The following MRPS2 variants were observed in gnomAD, a reference collection of about 807,000 sequenced individuals.
The protein encoded by MRPS2 is mitochondrial ribosomal protein S2, also known as small ribosomal subunit protein uS2m.
In MRPS2, 13 loss-of-function variants were observed where a neutral mutation model predicts 18.9. The ratio of observed to expected loss-of-function variants is 0.69; its 90% CI spans 0.45 to 1.09. The LOEUF (loss-of-function observed/expected upper bound fraction) is 1.09. MRPS2 is among the 50% of genes least tolerant of loss of function. The probability of loss-of-function intolerance (pLI) is 0.00; values close to 1 mark genes in which losing one functional copy is unlikely to be tolerated. For missense variants in MRPS2, 389 were observed against 421.7 expected (o/e 0.92, Z 0.68); for synonymous variants, 186 against 178.4 (o/e 1.04, Z -0.34).
rs1564218678 is a variant in MRPS2 at position 135,500,980 on chromosome 9, C to CT, written c.44-17dup. On this transcript the variant is annotated splice_polypyrimidine_tract_variant and intron_variant, in intron 1 of 3. Transcript: ENST00000241600. ...CATTCGGGACTCGGCGCCAGGACCT[C>CT]TATCTACTTCCCCCCAGGTGCCCGG... The CT allele has an allele frequency of 1.2e-6, 2 of 1,611,432 alleles. No individual in the cohort carries two copies. Among genetic ancestry groups the CT allele is most frequent in the Non-Finnish European group, 1.7e-6 (2 of 1,179,260 alleles).
rs1831243698 is a variant in MRPS2, at chr9:135,504,434, G to A, written c.*301G>A. The A allele has an allele frequency of 4.6e-6, 2 of 430,206 alleles. No individual in the cohort carries two copies. Among genetic ancestry groups the A allele is most frequent in the Non-Finnish European group, 8.3e-6 (2 of 240,126 alleles). The allele number at this position is 430,206 out of a possible 1,614,324, so 26.6% of individuals were successfully genotyped here. ...TGCTAGAAGATGCTGCTGTCCCTGT[G>A]ATCCCAGCAGCCCTCCCTTCACCGT... On this transcript the variant is annotated 3_prime_UTR_variant, in exon 4 of 4. Transcript: ENST00000241600. The surrounding 1 kb of genome is among the most constrained non-coding windows in gnomAD (Gnocchi z 4.3).
chr9:135,504,006 C>G lies in MRPS2; in HGVS notation c.764C>G (p.Thr255Arg). 6.2e-7 allele frequency: 1 copy of G among 1,613,548 alleles called. No individual in the cohort carries two copies. Among genetic ancestry groups the G allele is most frequent in the Non-Finnish European group, 8.5e-7 (1 of 1,180,042 alleles). The change falls in exon 4 of 4, where the codon ACG becomes AGG. Residue 255 changes from threonine to arginine, a missense_variant. Thr to Arg is a moderately conservative substitution (Grantham distance 71, BLOSUM62 -1). Coordinates refer to ENST00000241600, the MANE Select transcript of MRPS2 (RefSeq NM_016034.5). The surrounding 1 kb of genome is among the most constrained non-coding windows in gnomAD (Gnocchi z 4.3). ...AVHLYCRLFQ[T>R]AITRAKEKRQ... ...CACCTCTACTGCAGGCTCTTCCAGA[C>G]GGCCATCACCCGGGCCAAGGAGAAG...
In MRPS2 at chr9:135,504,223, C is replaced by A; in HGVS notation, c.*90C>A. On this transcript the variant is annotated 3_prime_UTR_variant, in exon 4 of 4. Transcript: ENST00000241600. This position sits in a 1 kb window ranked among gnomAD's most constrained non-coding sequence, Gnocchi z 4.3. ...GCCCTGGGTCAGCGGCATCCTCAGTCGTTGTTACTTACTCAGCTGATGTCA... is the reference window on the plus strand; with the variant it reads ...GCCCTGGGTCAGCGGCATCCTCAGTAGTTGTTACTTACTCAGCTGATGTCA... 3 of 1,179,920 alleles carry A rather than the reference C, an allele frequency of 2.5e-6. No individual in the cohort carries two copies. In the South Asian group the frequency reaches 4.7e-5, roughly 19 times the overall value. 73.1% of individuals were successfully genotyped at this position (1,179,920 alleles called of 1,614,324 possible).
At chr9:135,503,398 G>A (rs1023591859) in intron 3 of MRPS2, 144 bp from the exon 4 acceptor site, 9 of 1,395,084 alleles carry the variant, frequency 6.5e-6, no homozygotes, top group African/African-American at 2.9e-5. Flanking sequence ...CACACGGGGA[G>A]CGTTGCAAAT....
In MRPS2 at chr9:135,501,945, C is replaced by G; in HGVS notation, c.271C>G (p.Leu91Val). 1 of 1,613,718 alleles carries G rather than the reference C, an allele frequency of 6.2e-7. No individual in the cohort carries two copies. Among genetic ancestry groups the G allele is most frequent in the Non-Finnish European group, 8.5e-7 (1 of 1,179,998 alleles). ...VRSLFDARVH[L>V]GHKAGCRHRF... ...AAGCCTCTTCGATGCCCGAGTCCATCTGGGACACAAAGCTGGCTGTCGGCA... is the reference window on the plus strand; with the variant it reads ...AAGCCTCTTCGATGCCCGAGTCCATGTGGGACACAAAGCTGGCTGTCGGCA... The change falls in exon 3 of 4, where the codon CTG becomes GTG. Residue 91 changes from leucine to valine, a missense_variant. Transcript: ENST00000241600.
At chr9:135,503,314 AGGGTAGGAG>A in intron 3 of MRPS2, 2 of 1,406,072 alleles carry the variant, frequency 1.4e-6, no homozygotes, top group Non-Finnish European at 1.8e-6. Flanking sequence ...GAAGAGGTAG[AGGGTAGGAG>A]GGGTTAAGCC....
rs376712816 is a variant in MRPS2 at position 135,502,304 on chromosome 9, C to T, written c.299+331C>T. 2.4e-5 allele frequency: 26 copies of T among 1,067,908 alleles called. No individual in the cohort carries two copies. The East Asian group carries it at 3.7e-4, about 15-fold the overall frequency. 66.2% of individuals were successfully genotyped at this position (1,067,908 alleles called of 1,614,324 possible). Reference sequence around the variant, plus strand: ...GGATCGGGCTGGGCCTTCTGGGCTGCGGGGAGGAGGAATGACTGGTCCTGT... The same window carrying T: ...GGATCGGGCTGGGCCTTCTGGGCTGTGGGGAGGAGGAATGACTGGTCCTGT... On this transcript the variant is annotated intron_variant, in intron 3 of 3. Transcript: ENST00000241600.
rs1204809474 is a variant in MRPS2, at chr9:135,504,238, A to C, written c.*105A>C. The C allele has an allele frequency of 2.8e-6, 3 of 1,063,300 alleles. No homozygotes were observed. The East Asian group carries it at 7.8e-5, about 28-fold the overall frequency. The allele number at this position is 1,063,300 out of a possible 1,614,324, so 65.9% of individuals were successfully genotyped here. A position where few individuals can be genotyped will look rare whatever the true frequency, so the allele number is the denominator to read the frequency against. ...CATCCTCAGTCGTTGTTACTTACTC[A>C]GCTGATGTCACAGTGCAGACATCCA... On this transcript the variant is annotated 3_prime_UTR_variant, in exon 4 of 4. Transcript: ENST00000241600. The surrounding 1 kb of genome is among the most constrained non-coding windows in gnomAD (Gnocchi z 4.3).
intron 2 of MRPS2, 130 bp downstream of exon 2, chr9:135,501,253 T>G: frequency 7.0e-7 from 1 of 1,432,508 alleles, no homozygotes; most frequent in Non-Finnish European, 9.1e-7. Flanking sequence ...CTCCTCCCAC[T>G]CCCGTGCTCG....
rs1319362441 is a variant in MRPS2 at position 135,500,978 on chromosome 9, C to T, written c.44-20C>T. The T allele has an allele frequency of 1.9e-5, 31 of 1,611,518 alleles. No individual in the cohort carries two copies. The highest frequency in any genetic ancestry group is 2.6e-5 in the Non-Finnish European group (31 of 1,179,370). Reference sequence around the variant, plus strand: ...TGCATTCGGGACTCGGCGCCAGGACCTCTATCTACTTCCCCCCAGGTGCCC... The same window carrying T: ...TGCATTCGGGACTCGGCGCCAGGACTTCTATCTACTTCCCCCCAGGTGCCC... On this transcript the variant is annotated intron_variant, in intron 1 of 3. Transcript: ENST00000241600.
At chr9:135,499,988 T>G, upstream of MRPS2, 1 of 1,020,960 alleles carries the variant, frequency 9.8e-7, no homozygotes, top group Non-Finnish European at 1.4e-6. Flanking sequence ...GTCCGGAACC[T>G]GCCGGGCGAC....
In MRPS2 at chr9:135,504,149, C is replaced by CA; in HGVS notation, c.*19dup. The CA allele has an allele frequency of 6.4e-7, 1 of 1,559,200 alleles. No individual in the cohort carries two copies. Among genetic ancestry groups the CA allele is most frequent in the Non-Finnish European group, 8.6e-7 (1 of 1,157,348 alleles). Reference sequence around the variant, plus strand: ...TTCCCTGTGATGTTCACTCTCCTCCCAAAGCAAACCACAGCCAAGCCTGTC... The same window carrying CA: ...TTCCCTGTGATGTTCACTCTCCTCCCAAAAGCAAACCACAGCCAAGCCTGTC... On this transcript the variant is annotated 3_prime_UTR_variant, in exon 4 of 4. Transcript: ENST00000241600. The surrounding 1 kb of genome is among the most constrained non-coding windows in gnomAD (Gnocchi z 4.3).
rs1470430936 is a variant in MRPS2, at chr9:135,500,735, C to T, written c.25C>T (p.Pro9Ser). The T allele has an allele frequency of 6.7e-5, 99 of 1,486,080 alleles. No homozygotes were observed. The highest frequency in any genetic ancestry group is 8.8e-5 in the Non-Finnish European group (99 of 1,123,432). The allele number at this position is 1,486,080 out of a possible 1,614,324, so 92.1% of individuals were successfully genotyped here. ...CATGGCGACATCCTCGGCCGCGCTG[C>T]CCCGAATACTCGGCGCGGGTGAGCG... MATSSAAL[P>S]RILGAGARAP... Residue 9 changes from proline (P) to serine (S), a missense_variant, in exon 1 of 4, where the codon CCC becomes TCC. Coordinates refer to ENST00000241600, the MANE Select transcript of MRPS2 (RefSeq NM_016034.5).
At position 135,504,000 on chromosome 9, in the gene MRPS2, TC is replaced by T. The variant is rs1443646321; in HGVS notation, c.760del (p.Gln254ArgfsTer39). On this transcript the variant is annotated frameshift_variant, in exon 4 of 4. Coordinates refer to ENST00000241600, the MANE Select transcript of MRPS2 (RefSeq NM_016034.5). LOFTEE classifies it high-confidence loss of function. The part of the protein sequence containing the change: ...PLAVHLYCRL[F>X]QTAITRAKEK... ...GCTGTGCACCTCTACTGCAGGCTCT[TC>T]CAGACGGCCATCACCCGGGCCAAGG... 2 of 1,613,382 alleles carry T rather than the reference TC, an allele frequency of 1.2e-6. No homozygotes were observed. Among genetic ancestry groups the T allele is most frequent in the Non-Finnish European group, 1.7e-6 (2 of 1,180,016 alleles).
intron 2 of MRPS2, 61 bp from the exon 3 acceptor site, chr9:135,501,783 C>A: frequency 6.3e-7 from 1 of 1,599,424 alleles, no homozygotes; most frequent in South Asian, 1.1e-5. Context: ...GGGAACTGCG[C>A]TCTGCCTGTC....
chr9:135,503,194 C>T (rs968251461), intron 3 of MRPS2: 4 of 1,112,286 alleles, frequency 3.6e-6, no homozygotes, highest in Non-Finnish European at 1.1e-6. Flanking sequence ...GGGAAGAGGA[C>T]AGTGACGGAG....
chr9:135,500,176 T>C (rs1831078539), upstream of MRPS2: 1 of 392,464 alleles, frequency 2.5e-6, no homozygotes, highest in African/African-American at 2.1e-5. Context: ...TGACGGGGTT[T>C]AAGCACTGCA....
At chr9:135,500,862 G>A in intron 1 of MRPS2, 109 bp downstream of exon 1, 1 of 1,517,992 alleles carries the variant, frequency 6.6e-7, no homozygotes. Flanking sequence ...GGGCGAGCGC[G>A]GAGGGGACTC....
At position 135,501,894 on chromosome 9, in the gene MRPS2, A is replaced by C; in HGVS notation, c.220A>C (p.Asn74His). 1 of 1,613,804 alleles carries C rather than the reference A, an allele frequency of 6.2e-7. No homozygotes were observed. The highest frequency in any genetic ancestry group is 8.5e-7 in the Non-Finnish European group (1 of 1,179,978). ...NEPLKHSDFF[N>H]VKELFSVRSL... ...GCCCCTCAAGCACTCTGACTTCTTC[A>C]ATGTCAAGGAACTGTTTTCCGTGAG... Residue 74 changes from asparagine to histidine, a missense_variant, in exon 3 of 4, where the codon AAT (asparagine) becomes CAT (histidine). Physicochemically the swap from Asn to His is moderately conservative, Grantham distance 68 (BLOSUM62 1). Transcript: ENST00000241600.
Sources: gnomAD v4.1 joint callset for allele counts on GRCh38, gnomAD v4.1.1 for gene constraint, Gnocchi (gnomAD v3.1) non-coding constraint, MANE v1.5 for transcripts, NCBI Gene and HGNC (gene_info 2026-07-23, HGNC 2026-07-21) for gene names.